Variants in GDAP1L1 observed in about 807,000 individuals in gnomAD.
GDAP1L1 encodes the protein ganglioside induced differentiation associated protein 1 like 1.
Under a neutral mutation model 37.1 loss-of-function variants are expected in GDAP1L1, and 21 were observed. That is an observed-to-expected ratio of 0.57 (90% CI 0.40 to 0.81). GDAP1L1 has a LOEUF of 0.81. Ranked by LOEUF, GDAP1L1 falls within the 40% of genes least tolerant of loss-of-function variation. The pLI, the probability that GDAP1L1 is intolerant of heterozygous loss-of-function variation, is 0.00. For synonymous variants in GDAP1L1, 193 were observed against 209.1 expected (o/e 0.92, Z 0.67); for missense variants, 362 against 491.6 (o/e 0.74, Z 2.49).
In GDAP1L1 at chr20:44,258,423, G is replaced by A. The variant is rs2073605990; in HGVS notation, c.374-11G>A. On this transcript the variant is annotated splice_polypyrimidine_tract_variant and intron_variant, in intron 2 of 5. Transcript: ENST00000342560. The stretch of plus-strand genomic sequence containing the variant: ...CTGGCTTCCCTGCCCAGCCCCTGGC[G>A]GTGCCCACAGAGCACGTGGTGGCCC... The A allele has an allele frequency of 7.1e-6, 11 of 1,547,334 alleles. No homozygotes were observed. The highest frequency in any genetic ancestry group is 7.9e-6 in the Non-Finnish European group (9 of 1,145,202).
intron 5 of GDAP1L1, chr20:44,264,912 T>C (rs2073737745): frequency 9.4e-7 from 1 of 1,062,430 alleles, no homozygotes; most frequent in South Asian, 2.9e-5. Flanking sequence ...GAAGATGATG[T>C]TAAGAGGCAG....
chr20:44,274,434 C>T (rs2062551969), intron 5 of GDAP1L1, among the ~76,000 whole-genome samples: 1 of 152,192 alleles, frequency 6.6e-6, no homozygotes, highest in African/African-American at 2.4e-5. Context: ...TCCTCCCTTT[C>T]TCTTTGAACT....
rs1020108202 is a variant in GDAP1L1 at position 44,280,793 on chromosome 20, G to T, written c.*1493G>T. The T allele has an allele frequency of 1.3e-5, 2 of 152,148 alleles. No individual in the cohort carries two copies. Among genetic ancestry groups the T allele is most frequent in the African/African-American group, 4.8e-5 (2 of 41,432 alleles). 9.4% of individuals were successfully genotyped at this position (152,148 alleles called of 1,614,324 possible). On this transcript the variant is annotated 3_prime_UTR_variant, in exon 6 of 6. Transcript: ENST00000342560. ...ATAAAATAAAATAAACCTATATATG[G>T]ACCTCAGGGGGCACCCAGGGCACAT...
intron 5 of GDAP1L1, among the ~76,000 whole-genome samples, chr20:44,274,968 C>T (rs2062558046): frequency 6.6e-6 from 1 of 152,214 alleles, no homozygotes; most frequent in Admixed American, 6.5e-5. Context: ...AAAAGGCTCA[C>T]TGCAACCTCG....
intron 4 of GDAP1L1, among the ~76,000 whole-genome samples, chr20:44,263,799 G>A (rs537965064): frequency 6.6e-5 from 10 of 152,152 alleles, no homozygotes; most frequent in South Asian, 2.1e-4. Context: ...AGCTGAGATC[G>A]GGCCACTACA....
chr20:44,280,817 A>C lies in GDAP1L1; in HGVS notation c.*1517A>C, dbSNP rs1486406071. ...GGACCTCAGGGGGCACCCAGGGCAC[A>C]TGCCCCCCACCCCAATTTCCCAGAG... On this transcript the variant is annotated 3_prime_UTR_variant, in exon 6 of 6. Coordinates refer to ENST00000342560, the MANE Select transcript of GDAP1L1 (RefSeq NM_024034.6). The C allele has an allele frequency of 6.6e-6, 1 of 152,270 alleles. No individual in the cohort carries two copies. Among genetic ancestry groups the C allele is most frequent in the African/African-American group, 2.4e-5 (1 of 41,470 alleles). The allele number at this position is 152,270 out of a possible 1,614,324, so 9.4% of individuals were successfully genotyped here. A position where few individuals can be genotyped will look rare whatever the true frequency, so the allele number is the denominator to read the frequency against.
chr20:44,258,605 G>A lies in GDAP1L1; in HGVS notation c.545G>A (p.Arg182His), dbSNP rs372694823. The A allele has an allele frequency of 5.5e-5, 88 of 1,597,358 alleles. No individual in the cohort carries two copies. Among genetic ancestry groups the A allele is most frequent in the Non-Finnish European group, 7.0e-5 (82 of 1,172,476 alleles). The change falls in exon 3 of 6, where the codon CGC becomes CAC. Residue 182 changes from arginine (R) to histidine (H), a missense_variant and splice_region_variant. Physicochemically the swap from Arg to His is conservative, Grantham distance 29 (BLOSUM62 0). Coordinates refer to ENST00000342560, the MANE Select transcript of GDAP1L1 (RefSeq NM_024034.6). The stretch of plus-strand genomic sequence containing the variant: ...CCCAAGTACGCCACGGCCGAGATCC[G>A]CAGTGAGTGCCAGGGCGGCGAGACA... ...MIPKYATAEI[R>H]RHLANATTDL...
At chr20:44,260,062 C>A (rs1386879227) in intron 3 of GDAP1L1, among the ~76,000 whole-genome samples, 1 of 152,178 alleles carries the variant, frequency 6.6e-6, no homozygotes, top group East Asian at 1.9e-4. Flanking sequence ...TGCAGTTACA[C>A]TTGAACATAT....
intron 5 of GDAP1L1, among the ~76,000 whole-genome samples, chr20:44,267,266 C>A (rs4366964): frequency 0.079 from 11,965 of 152,200 alleles, 972 homozygotes; most frequent in East Asian, 0.31. Context: ...AGATGAGGAT[C>A]CTGTTTAACA....
chr20:44,276,456 G>GAAAGAAAGAA (rs1555801211), intron 5 of GDAP1L1, among the ~76,000 whole-genome samples: 10 of 150,206 alleles, frequency 6.7e-5, no homozygotes, highest in South Asian at 4.2e-4. Flanking sequence ...AAGAAAGAAA[G>GAAAGAAAGAA]AAAGAAAGAA....
chr20:44,276,355 A>AAAGGAAGGAAGG (rs3037695), intron 5 of GDAP1L1, among the ~76,000 whole-genome samples: 4,511 of 130,300 alleles, frequency 0.035, 144 homozygotes, highest in South Asian at 0.11. Flanking sequence ...AGAAAGAAGG[A>AAAGGAAGGAAGG]AAGGAAGGAA....
intron 5 of GDAP1L1, among the ~76,000 whole-genome samples, chr20:44,274,902 T>A (rs2062557167): frequency 6.6e-6 from 1 of 152,112 alleles, no homozygotes; most frequent in Non-Finnish European, 1.5e-5. Flanking sequence ...TTTGTTTGTT[T>A]GTTAGTTTTT....
At chr20:44,257,876 G>A (rs761320249) in intron 2 of GDAP1L1, among the ~76,000 whole-genome samples, 38 of 151,994 alleles carry the variant, frequency 2.5e-4, no homozygotes, top group Admixed American at 7.9e-4. Flanking sequence ...CTGAGACAGG[G>A]GAGGGCCCAG....
At position 44,278,552 on chromosome 20, in the gene GDAP1L1, T is replaced by A. The variant is rs2062608490; in HGVS notation, c.761-405T>A. 2.0e-5 allele frequency among the ~76,000 whole-genome samples: 3 copies of A among 152,058 alleles called. No homozygotes were observed. In the South Asian group the frequency reaches 6.2e-4, roughly 32 times the overall value. ...TGCACCACCACACCCAGCTAATTTT[T>A]ATATTTTTAGTAGAGATGGGGTTTC... On this transcript the variant is annotated intron_variant, in intron 5 of 5. Coordinates refer to ENST00000342560, the MANE Select transcript of GDAP1L1 (RefSeq NM_024034.6).
At chr20:44,251,666 C>A (rs1049337622) in intron 1 of GDAP1L1, among the ~76,000 whole-genome samples, 1 of 152,200 alleles carries the variant, frequency 6.6e-6, no homozygotes, top group Non-Finnish European at 1.5e-5. Flanking sequence ...TGCTCAGAAG[C>A]CTGCAGTGGC....
chr20:44,264,832 G>T, intron 5 of GDAP1L1: 1 of 1,158,360 alleles, frequency 8.6e-7, no homozygotes. Flanking sequence ...TTGAGACATT[G>T]TGTGAAATAA....
intron 5 of GDAP1L1, among the ~76,000 whole-genome samples, chr20:44,273,084 TAG>T (rs140298859): frequency 0.024 from 3,618 of 152,256 alleles, 63 homozygotes; most frequent in Non-Finnish European, 0.036. Context: ...AGTAGCTTAA[TAG>T]AGTGGTTACA....
intron 1 of GDAP1L1, among the ~76,000 whole-genome samples, chr20:44,256,650 ACT>A (rs1358810383): frequency 6.6e-6 from 1 of 151,078 alleles, no homozygotes; most frequent in African/African-American, 2.4e-5. Context: ...ATAGAGCAAG[ACT>A]CTGTCTTAAA....
chr20:44,264,756 C>A, intron 5 of GDAP1L1, 197 bp downstream of exon 5: 2 of 1,259,772 alleles, frequency 1.6e-6, no homozygotes, highest in South Asian at 1.5e-5. Context: ...CAGGTTCTCC[C>A]CTCTCTGAAA....
Sources: gnomAD v4.1 joint callset for allele counts (sites outside exome capture counted in the v4.1 genomes callset) on GRCh38, gnomAD v4.1.1 for gene constraint, MANE v1.5 for transcripts, NCBI Gene and HGNC (gene_info 2026-07-23, HGNC 2026-07-21) for gene names.